Variants in DENND6B observed in about 807,000 individuals in gnomAD.
DENND6B encodes protein DENND6B.
A neutral mutation model predicts 85.1 loss-of-function variants in DENND6B; 73 were observed. The observed-to-expected ratio is 0.86, with a 90% CI of 0.71 to 1.04. The LOEUF is 1.04. DENND6B is among the 50% of genes least tolerant of loss of function. The pLI, the probability that DENND6B is intolerant of heterozygous loss-of-function variation, is 0.00. For synonymous variants in DENND6B, 357 were observed against 329.3 expected, an observed-to-expected ratio of 1.08 and a Z score of -0.91; for missense variants, 715 against 785.8, an observed-to-expected ratio of 0.91 and a Z score of 1.08.
Position 50,313,968 on chromosome 22 carries a change from C to T in DENND6B, c.1139-90G>A. 5 of 1,449,640 alleles carry T rather than the reference C, an allele frequency of 3.4e-6. No homozygotes were observed. The Admixed American group carries it at 1.2e-4, about 35-fold the overall frequency. The allele number at this position is 1,449,640 out of a possible 1,614,324, so 89.8% of individuals were successfully genotyped here. On this transcript the variant is annotated intron_variant, in intron 13 of 19. Coordinates refer to ENST00000413817, the MANE Select transcript of DENND6B (RefSeq NM_001001794.4). ...CACAGAGGAGCCAGGGTGGGGGTCTCATCTGCCTGCAGCCCCATGCCCTTG... is the reference window on the plus strand; with the variant it reads ...CACAGAGGAGCCAGGGTGGGGGTCTTATCTGCCTGCAGCCCCATGCCCTTG...
At chr22:50,322,229 C>T (rs547326382) in intron 1 of DENND6B, among the ~76,000 whole-genome samples, 161 of 152,124 alleles carry the variant, frequency 1.1e-3, no homozygotes, top group South Asian at 7.3e-3. Flanking sequence ...CGCCCGCCAC[C>T]ATGCCCAGCT....
Position 50,316,084 on chromosome 22 carries a change from G to C in DENND6B, c.643C>G (p.Arg215Gly), listed in dbSNP as rs776841868. The C allele has an allele frequency of 6.2e-7, 1 of 1,612,522 alleles. No homozygotes were observed. The highest frequency in any genetic ancestry group is 8.5e-7 in the Non-Finnish European group (1 of 1,179,832). Residue 215 changes from arginine to glycine, a missense_variant, in exon 8 of 20, where the codon CGC becomes GGC. By Grantham distance (125) the Arg-to-Gly change is moderately radical. Coordinates refer to ENST00000413817, the MANE Select transcript of DENND6B (RefSeq NM_001001794.4). ...GACTTGTCCACCCTGGATGGGATGC[G>C]CACCTGGGAGAAGGAGGGAGCAGCT... Reference protein sequence around the residue: ...LPVMGVVVQVRIPSRVDKSES... With the variant: ...LPVMGVVVQVGIPSRVDKSES...
intron 16 of DENND6B, 48 bp from the exon 17 acceptor site, chr22:50,313,156 C>A: frequency 6.6e-7 from 1 of 1,510,352 alleles, no homozygotes; most frequent in Admixed American, 2.0e-5. Flanking sequence ...GCCTCACAGG[C>A]CTGCACCCGG....
At chr22:50,313,375 C>G in intron 16 of DENND6B, 71 bp downstream of exon 16, 1 of 1,513,730 alleles carries the variant, frequency 6.6e-7, no homozygotes, top group South Asian at 1.3e-5. Context: ...CTGCTCCAGA[C>G]CTTCCCTCCT....
Position 50,312,270 on chromosome 22 carries a change from G to A in DENND6B, c.1636-9C>T. ...TGGCCCTGAGCCCGCACCTGGAGGGGCAGCCATGGTCAGGGCAGGCGCAGC... is the reference window on the plus strand; with the variant it reads ...TGGCCCTGAGCCCGCACCTGGAGGGACAGCCATGGTCAGGGCAGGCGCAGC... On this transcript the variant is annotated splice_polypyrimidine_tract_variant and intron_variant, in intron 19 of 19. Transcript: ENST00000413817. 1 of 1,611,938 alleles carries A rather than the reference G, an allele frequency of 6.2e-7. No homozygotes were observed. The highest frequency in any genetic ancestry group is 8.5e-7 in the Non-Finnish European group (1 of 1,179,570).
chr22:50,312,567 C>A lies in DENND6B; in HGVS notation c.1516G>T (p.Ala506Ser). The A allele has an allele frequency of 6.3e-7, 1 of 1,596,176 alleles. No homozygotes were observed. Among genetic ancestry groups the A allele is most frequent in the East Asian group, 2.3e-5 (1 of 44,022 alleles). The change falls in exon 18 of 20, where the codon GCC (alanine) becomes TCC (serine). Residue 506 changes from alanine to serine, a missense_variant. Coordinates refer to ENST00000413817, the MANE Select transcript of DENND6B (RefSeq NM_001001794.4). ...AGGTGCAGGGCCTCCAGCTTCAGGG[C>A]CATCTCCTTGTGCCGCTGCCGGTAC... ...GWYRQRHKEM[A>S]LKLEALHLEA...
Position 50,316,354 on chromosome 22 carries a change from A to G in DENND6B, c.559+16T>C. 1 of 1,567,438 alleles carries G rather than the reference A, an allele frequency of 6.4e-7. No individual in the cohort carries two copies. Among genetic ancestry groups the G allele is most frequent in the East Asian group, 2.4e-5 (1 of 41,748 alleles). On this transcript the variant is annotated intron_variant, in intron 6 of 19. Transcript: ENST00000413817. The stretch of plus-strand genomic sequence containing the variant: ...GGATGATGAGACCACGATGGCCACG[A>G]CTGATGGCCACTCACCTGCTTCCAG...
chr22:50,325,525 T>C (rs2042166958), intron 1 of DENND6B, among the ~76,000 whole-genome samples: 1 of 151,964 alleles, frequency 6.6e-6, no homozygotes, highest in Admixed American at 6.6e-5. Context: ...TTAGTGGAGA[T>C]GTGGTTTCAC....
intron 1 of DENND6B, chr22:50,319,232 C>A: frequency 6.8e-7 from 1 of 1,462,036 alleles, no homozygotes. Flanking sequence ...CCTCCCCACA[C>A]CACCTTCTCT....
Position 50,313,119 on chromosome 22 carries a change from A to G in DENND6B, c.1348-11T>C, listed in dbSNP as rs1601805045. 1 of 1,402,512 alleles carries G rather than the reference A, an allele frequency of 7.1e-7. No individual in the cohort carries two copies. The highest frequency in any genetic ancestry group is 9.8e-7 in the Non-Finnish European group (1 of 1,016,530). 86.9% of individuals were successfully genotyped at this position (1,402,512 alleles called of 1,614,324 possible). A position where few individuals can be genotyped will look rare whatever the true frequency, so the allele number is the denominator to read the frequency against. ...GATCTGGGGGGGAGTCTGAGAGGGG[A>G]TGGGTGAGCCAGCACGTGGGAACTC... is the stretch of plus-strand genomic sequence containing the variant. On this transcript the variant is annotated splice_polypyrimidine_tract_variant and intron_variant, in intron 16 of 19. Transcript: ENST00000413817.
intron 1 of DENND6B, among the ~76,000 whole-genome samples, chr22:50,324,191 C>T (rs1280952056): frequency 6.6e-6 from 1 of 152,186 alleles, no homozygotes; most frequent in Non-Finnish European, 1.5e-5. Context: ...GACCCCTCAT[C>T]TCTCAAGCAG....
intron 5 of DENND6B, 22 bp downstream of exon 5, chr22:50,317,271 C>T: frequency 6.2e-7 from 1 of 1,611,904 alleles, no homozygotes; most frequent in South Asian, 1.1e-5. Context: ...AGGTGCCAGC[C>T]CAGAGTGGCC....
At chr22:50,315,657 C>T (rs1264016328) in intron 9 of DENND6B, 57 bp downstream of exon 9, 3 of 1,485,778 alleles carry the variant, frequency 2.0e-6, no homozygotes, top group Non-Finnish European at 1.8e-6. Flanking sequence ...CACGTACATG[C>T]ACGTGCACAC....
intron 1 of DENND6B, among the ~76,000 whole-genome samples, chr22:50,319,627 C>T (rs568763324): frequency 1.3e-5 from 2 of 152,336 alleles, no homozygotes; most frequent in South Asian, 2.1e-4. Flanking sequence ...GGGATGGTCA[C>T]GGGGCCCCGC....
chr22:50,317,200 G>T, intron 5 of DENND6B, 93 bp downstream of exon 5: 1 of 1,403,582 alleles, frequency 7.1e-7, no homozygotes, highest in South Asian at 1.2e-5. Context: ...CACTGCTGGA[G>T]GCTCAGGCCC....
intron 1 of DENND6B, among the ~76,000 whole-genome samples, chr22:50,319,839 A>G (rs1601828404): frequency 6.6e-6 from 1 of 152,048 alleles, no homozygotes; most frequent in Non-Finnish European, 1.5e-5. Context: ...TGTAGCGCCC[A>G]GCCGGACAAG....
In DENND6B at chr22:50,316,524, C is replaced by T. The variant is rs377285000; in HGVS notation, c.454-49G>A. ...GAGGCCCAGTGCCAGGCCTCACCCT[C>T]GCCACTCAGGAGCCCACGGGGACCA... On this transcript the variant is annotated intron_variant, in intron 5 of 19. Coordinates refer to ENST00000413817, the MANE Select transcript of DENND6B (RefSeq NM_001001794.4). 2.6e-4 allele frequency: 400 copies of T among 1,550,308 alleles called. No homozygotes were observed. The Middle Eastern group carries it at 3.0e-3, about 12-fold the overall frequency.
intron 6 of DENND6B, 53 bp from the exon 7 acceptor site, chr22:50,316,306 G>A (rs925897533): frequency 7.7e-5 from 120 of 1,563,776 alleles, no homozygotes; most frequent in Non-Finnish European, 9.1e-5. Context: ...AGCTGCTGCC[G>A]AGCCCACCAG....
At chr22:50,321,461 A>C (rs1378049517) in intron 1 of DENND6B, among the ~76,000 whole-genome samples, 2 of 152,014 alleles carry the variant, frequency 1.3e-5, no homozygotes, top group African/African-American at 4.8e-5. Context: ...CCTGGGTTCA[A>C]GCGATTCTCC....
Sources: allele counts gnomAD v4.1 joint callset (sites outside exome capture counted in the v4.1 genomes callset), GRCh38; gene constraint gnomAD v4.1.1; transcripts MANE v1.5; gene names NCBI Gene and HGNC (gene_info 2026-07-23, HGNC 2026-07-21).